The following ARMC2 variants were observed in gnomAD, a reference collection of about 807,000 sequenced individuals.
ARMC2 encodes the protein armadillo repeat-containing protein 2.
Under a neutral mutation model 90.3 loss-of-function variants are expected in ARMC2, and 67 were observed. That is an observed-to-expected ratio of 0.74 (90% confidence interval 0.61 to 0.91). The LOEUF (loss-of-function observed/expected upper bound fraction) is 0.91. ARMC2 is among the 40% of genes least tolerant of loss of function. The pLI is 0.00. For missense variants in ARMC2, 920 were observed against 1,030.9 expected, an observed-to-expected ratio of 0.89 and a Z score of 1.47; for synonymous variants, 393 against 393.0, an observed-to-expected ratio of 1.00 and a Z score of 0.00.
At chr6:109,035,235 T>C in the ARMC2 span, among the ~76,000 whole-genome samples, 1 of 152,150 alleles carries the variant, frequency 6.6e-6, no homozygotes, top group Non-Finnish European at 1.5e-5. Context: ...CAGCATTCAT[T>C]TGTTCATTAC....
At chr6:109,027,378 G>A in the ARMC2 span, among the ~76,000 whole-genome samples, 1 of 150,342 alleles carries the variant, frequency 6.7e-6, no homozygotes, top group East Asian at 2.0e-4. Flanking sequence ...TTAGGAGGCT[G>A]AGGCAGGAGA....
At chr6:108,937,727 C>T (rs1217539070) in intron 12 of ARMC2, among the ~76,000 whole-genome samples, 3 of 152,146 alleles carry the variant, frequency 2.0e-5, no homozygotes, top group African/African-American at 7.2e-5. Flanking sequence ...ACGAGTCTCA[C>T]TCTGTCACCC....
intron 5 of ARMC2, among the ~76,000 whole-genome samples, chr6:108,890,919 C>T (rs1290044752): frequency 3.4e-5 from 5 of 146,378 alleles, no homozygotes; most frequent in African/African-American, 7.6e-5. Flanking sequence ...CCCCACCCCC[C>T]GACAGGCCCC....
chr6:108,943,383 A>G (rs1009472330), intron 12 of ARMC2, among the ~76,000 whole-genome samples: 2 of 152,246 alleles, frequency 1.3e-5, no homozygotes, highest in African/African-American at 4.8e-5. Flanking sequence ...TATATTTACA[A>G]GAATTCATAT....
the ARMC2 span, among the ~76,000 whole-genome samples, chr6:109,048,081 G>T: frequency 7.1e-6 from 1 of 140,314 alleles, no homozygotes; most frequent in South Asian, 2.3e-4. Context: ...AAACACCCAA[G>T]AATTATCAAT....
intron 4 of ARMC2, among the ~76,000 whole-genome samples, chr6:108,874,259 G>C (rs1034990053): frequency 6.6e-6 from 1 of 152,202 alleles, no homozygotes; most frequent in Non-Finnish European, 1.5e-5. Context: ...GACAGGTATA[G>C]CTCCTTGACC....
chr6:109,000,348 G>A, the ARMC2 span: 2 of 531,236 alleles, frequency 3.8e-6, no homozygotes, highest in Non-Finnish European at 6.3e-6. Flanking sequence ...TGCTGTAACA[G>A]AAGAAAATGT....
chr6:108,996,249 T>G, the ARMC2 span, among the ~76,000 whole-genome samples: 2 of 152,252 alleles, frequency 1.3e-5, no homozygotes, highest in African/African-American at 2.4e-5. Flanking sequence ...CATTTTCTTT[T>G]GATCCAAACA....
At chr6:108,940,104 G>A (rs970809612) in intron 12 of ARMC2, among the ~76,000 whole-genome samples, 15 of 152,096 alleles carry the variant, frequency 9.9e-5, no homozygotes, top group African/African-American at 3.4e-4. Flanking sequence ...TTTGCAATTA[G>A]CAAGGGAACC....
chr6:108,857,543 A>G (rs1774772022), intron 2 of ARMC2, among the ~76,000 whole-genome samples: 1 of 152,184 alleles, frequency 6.6e-6, no homozygotes, highest in Admixed American at 6.5e-5. Context: ...TCTGTATGAT[A>G]CTGAAAAGCA....
chr6:109,009,630 C>A, the ARMC2 span: 1 of 942,672 alleles, frequency 1.1e-6, no homozygotes, highest in East Asian at 8.9e-5. Flanking sequence ...CCCTGGCGGC[C>A]ACGCAAGCCA....
intron 1 of ARMC2, among the ~76,000 whole-genome samples, chr6:108,850,753 G>GT (rs1253169501): frequency 3.3e-5 from 5 of 152,164 alleles, no homozygotes; most frequent in Admixed American, 6.5e-5. Flanking sequence ...TAGTGATTAC[G>GT]TAAGTGTTGA....
At chr6:109,010,588 T>C in the ARMC2 span, among the ~76,000 whole-genome samples, 3 of 152,228 alleles carry the variant, frequency 2.0e-5, no homozygotes, top group East Asian at 3.8e-4. Flanking sequence ...AAGTTACTCT[T>C]TTAGCTCTTC....
At chr6:108,956,435 G>A (rs557019935) in intron 13 of ARMC2, among the ~76,000 whole-genome samples, 10 of 151,964 alleles carry the variant, frequency 6.6e-5, no homozygotes, top group South Asian at 2.1e-4. Context: ...GGTGGTTCGC[G>A]CCTATAATCC....
At chr6:108,987,509 A>T in the ARMC2 span, 1 of 1,203,012 alleles carries the variant, frequency 8.3e-7, no homozygotes, top group Admixed American at 1.7e-5. Flanking sequence ...ATATCTGCTG[A>T]TCATTCCAGA....
intron 16 of ARMC2, 34 bp from the exon 17 acceptor site, chr6:108,964,946 T>C: frequency 6.6e-7 from 1 of 1,521,608 alleles, no homozygotes; most frequent in Non-Finnish European, 9.0e-7. Flanking sequence ...GATTCTGACC[T>C]AATAACTTCT....
chr6:108,924,283 C>T (rs1407482252), intron 10 of ARMC2, among the ~76,000 whole-genome samples: 2 of 151,926 alleles, frequency 1.3e-5, no homozygotes, highest in Non-Finnish European at 2.9e-5. Context: ...TTTGGGAGGC[C>T]GAGGCGGGCG....
At chr6:109,048,777 CCT>C in the ARMC2 span, among the ~76,000 whole-genome samples, 1 of 152,142 alleles carries the variant, frequency 6.6e-6, no homozygotes. Flanking sequence ...CTCCCATTCC[CCT>C]GATTCTAAAT....
the ARMC2 span, among the ~76,000 whole-genome samples, chr6:109,017,486 CATG>C: frequency 2.6e-5 from 4 of 152,126 alleles, no homozygotes; most frequent in African/African-American, 9.7e-5. Flanking sequence ...GGGGTTTCAC[CATG>C]TTAGCCAGGA....
Sources: allele counts gnomAD v4.1 joint callset (sites outside exome capture counted in the v4.1 genomes callset), GRCh38; gene constraint gnomAD v4.1.1; transcripts MANE v1.5; gene names NCBI Gene and HGNC (gene_info 2026-07-23, HGNC 2026-07-21).